The following SHROOM4 variants were observed in gnomAD, a reference collection of about 807,000 sequenced individuals.
SHROOM4 encodes the protein shroom family member 4, also known as protein Shroom4.
Under a neutral mutation model 80.3 loss-of-function variants are expected in SHROOM4, and 17 were observed. The observed-to-expected ratio is 0.21, with a 90% CI of 0.14 to 0.32. The LOEUF (loss-of-function observed/expected upper bound fraction) is 0.32, where lower values mean the gene tolerates loss of function less well. SHROOM4 is among the 10% of genes least tolerant of loss of function. The pLI, the probability that SHROOM4 is intolerant of heterozygous loss-of-function variation, is 1.00. For missense variants in SHROOM4, 993 were observed against 1,140.3 expected (o/e 0.87, Z 1.86); for synonymous variants, 400 against 437.5 (o/e 0.91, Z 1.07).
intron 2 of SHROOM4, among the ~76,000 whole-genome samples, chrX:50,678,698 T>C (rs1365356636): frequency 9.0e-6 from 1 of 111,664 alleles, no homozygotes; most frequent in African/African-American, 3.3e-5. Context: ...AAGAACATCT[T>C]AGAAGATTTT....
chrX:50,670,107 T>A (rs1358273501), intron 2 of SHROOM4, among the ~76,000 whole-genome samples: 1 of 111,736 alleles, frequency 8.9e-6, no homozygotes, highest in East Asian at 2.8e-4. Context: ...TTCTTTTTTT[T>A]TCTTTTTTTA....
intron 1 of SHROOM4, among the ~76,000 whole-genome samples, chrX:50,769,909 C>A (rs1935361403): frequency 9.1e-6 from 1 of 109,972 alleles, no homozygotes; most frequent in Non-Finnish European, 1.9e-5. Flanking sequence ...CTGGACTTTC[C>A]TGAACAGAAG....
At chrX:50,741,873 T>A (rs782094466) in intron 1 of SHROOM4, among the ~76,000 whole-genome samples, 76 of 111,480 alleles carry the variant, frequency 6.8e-4, no homozygotes, top group Non-Finnish European at 3.6e-4. Context: ...TTTATTCCAT[T>A]AATGTGTTAC....
intron 2 of SHROOM4, among the ~76,000 whole-genome samples, chrX:50,648,094 G>A (rs1931906591): frequency 8.9e-6 from 1 of 112,176 alleles, no homozygotes; most frequent in Admixed American, 9.5e-5. Context: ...GGATTTGTGT[G>A]TGTGGGGGTC....
At chrX:50,656,926 CTTTAA>C (rs201841614) in intron 2 of SHROOM4, among the ~76,000 whole-genome samples, 1,768 of 110,776 alleles carry the variant, frequency 0.016, 40 homozygotes, top group African/African-American at 0.055. Context: ...ATTGTGTCCT[CTTTAA>C]TTTATTTCAT....
chrX:50,794,902 G>GTATATA (rs60153784), intron 1 of SHROOM4, among the ~76,000 whole-genome samples: 94 of 92,628 alleles, frequency 1.0e-3, no homozygotes, highest in African/African-American at 3.3e-3. Flanking sequence ...GTATAAATGT[G>GTATATA]TATATATATA....
At chrX:50,629,248 A>G (rs1237976935) in intron 4 of SHROOM4, among the ~76,000 whole-genome samples, 3 of 111,434 alleles carry the variant, frequency 2.7e-5, no homozygotes, top group Non-Finnish European at 5.6e-5. Context: ...TGTGATGGGA[A>G]CTTGCTGTCC....
At chrX:50,696,406 C>A (rs1334128457) in intron 1 of SHROOM4, among the ~76,000 whole-genome samples, 1 of 110,405 alleles carries the variant, frequency 9.1e-6, no homozygotes, top group Non-Finnish European at 1.9e-5. Context: ...AGCTGTGTGA[C>A]CCTTAGGAAG....
chrX:50,602,420 G>C (rs782287455), intron 7 of SHROOM4, among the ~76,000 whole-genome samples: 1 of 111,411 alleles, frequency 9.0e-6, no homozygotes, highest in South Asian at 3.9e-4. Flanking sequence ...GGATCACAGA[G>C]ACAATAATGA....
chrX:50,613,726 A>G (rs1930098123), intron 5 of SHROOM4, among the ~76,000 whole-genome samples: 1 of 112,260 alleles, frequency 8.9e-6, no homozygotes, highest in South Asian at 3.7e-4. Context: ...TAAGATGTCA[A>G]CTCCAAGTGA....
intron 2 of SHROOM4, among the ~76,000 whole-genome samples, chrX:50,650,182 A>G (rs1016349193): frequency 6.2e-5 from 7 of 112,560 alleles, no homozygotes; most frequent in Non-Finnish European, 1.3e-4. Context: ...ATGCATATAT[A>G]CATATTCTTA....
intron 2 of SHROOM4, among the ~76,000 whole-genome samples, chrX:50,646,987 T>C (rs1013012379): frequency 2.7e-5 from 3 of 111,361 alleles, no homozygotes; most frequent in African/African-American, 3.3e-5. Context: ...CATTTTCACA[T>C]TGAAATCTTT....
In SHROOM4 at chrX:50,613,068, G is replaced by A. The variant is rs782287490; in HGVS notation, c.2958-4884C>T. Among the ~76,000 whole-genome samples the A allele has an allele frequency of 2.7e-5, 3 of 111,890 alleles. No individual in the cohort carries two copies. The South Asian group carries it at 1.1e-3, about 42-fold the overall frequency. On this transcript the variant is annotated intron_variant, in intron 5 of 8. Transcript: ENST00000376020. ...ATAAAGATGTAAACATTGGAAGAAG[G>A]GGATATCTTCTCATTATGTATAGAT... is the stretch of plus-strand genomic sequence containing the variant.
intron 1 of SHROOM4, among the ~76,000 whole-genome samples, chrX:50,760,332 C>CTTCT (rs376784427): frequency 1.1e-5 from 1 of 89,569 alleles, no homozygotes; most frequent in Non-Finnish European, 2.2e-5. Context: ...TCTCTAGTAA[C>CTTCT]TTTTTTTTTT....
intron 2 of SHROOM4, among the ~76,000 whole-genome samples, chrX:50,677,011 T>C (rs1215452157): frequency 8.9e-6 from 1 of 112,072 alleles, no homozygotes; most frequent in Non-Finnish European, 1.9e-5. Context: ...TTCCCTTTTC[T>C]ATAAATTCTG....
At chrX:50,636,104 T>C (rs1557256077) in intron 3 of SHROOM4, among the ~76,000 whole-genome samples, 1 of 110,625 alleles carries the variant, frequency 9.0e-6, no homozygotes, top group African/African-American at 3.3e-5. Flanking sequence ...AATAAATCAG[T>C]GATTCTCAAA....
chrX:50,766,635 A>G (rs1327859780), intron 1 of SHROOM4, among the ~76,000 whole-genome samples: 1 of 111,825 alleles, frequency 8.9e-6, no homozygotes, highest in Non-Finnish European at 1.9e-5. Flanking sequence ...AGACAGAATC[A>G]CATATTTGTC....
intron 1 of SHROOM4, among the ~76,000 whole-genome samples, chrX:50,736,785 G>T (rs1236393450): frequency 8.9e-6 from 1 of 111,945 alleles, no homozygotes; most frequent in East Asian, 2.8e-4. Flanking sequence ...GGGTCAAATG[G>T]TACTTCTGCT....
At chrX:50,645,324 C>T (rs1229301210) in intron 2 of SHROOM4, among the ~76,000 whole-genome samples, 1 of 112,166 alleles carries the variant, frequency 8.9e-6, no homozygotes, top group African/African-American at 3.2e-5. Flanking sequence ...TCCGGCCGCC[C>T]TTGCTCTTCT....
Sources: allele counts gnomAD v4.1 joint callset (sites outside exome capture counted in the v4.1 genomes callset), GRCh38; gene constraint gnomAD v4.1.1; transcripts MANE v1.5; gene names NCBI Gene and HGNC (gene_info 2026-07-23, HGNC 2026-07-21).